MID1: variants seen among roughly 807,000 people sequenced by gnomAD.
The protein encoded by MID1 is E3 ubiquitin-protein ligase Midline-1.
A neutral mutation model predicts 40.4 loss-of-function variants in MID1; 7 were observed. That is an observed-to-expected ratio of 0.17 (90% CI 0.10 to 0.33). The LOEUF is 0.33. Among genes scored for constraint, MID1 ranks in the 10% least tolerant of loss-of-function variants. MID1 has a pLI of 1.00. For missense variants in MID1, 367 were observed against 558.5 expected (o/e 0.66, Z 3.46); for synonymous variants, 229 against 221.2 (o/e 1.04, Z -0.31).
At chrX:10,712,478 T>C (rs2043275593) in intron 1 of MID1, among the ~76,000 whole-genome samples, 1 of 110,846 alleles carries the variant, frequency 9.0e-6, no homozygotes, top group Non-Finnish European at 1.9e-5. Context: ...ATATGGCCCC[T>C]CCTAAGTGCT....
chrX:10,759,862 C>T (rs1430524020), intron 1 of MID1, among the ~76,000 whole-genome samples: 1 of 111,734 alleles, frequency 8.9e-6, no homozygotes, highest in Non-Finnish European at 1.9e-5. Flanking sequence ...ATTTTCTAAG[C>T]GAGTGAATTC....
At chrX:10,555,836 C>T (rs955628385) in intron 2 of MID1, among the ~76,000 whole-genome samples, 4 of 110,605 alleles carry the variant, frequency 3.6e-5, no homozygotes, top group South Asian at 7.7e-4. Flanking sequence ...AGGAGGCAGA[C>T]GATGATACCG....
chrX:10,569,733 A>T (rs1032425822), intron 1 of MID1, among the ~76,000 whole-genome samples: 2 of 111,335 alleles, frequency 1.8e-5, no homozygotes, highest in Admixed American at 1.9e-4. Context: ...CATCCCAGAG[A>T]GGTGTGATGA....
At chrX:10,665,829 A>T (rs904182852) in intron 1 of MID1, among the ~76,000 whole-genome samples, 2 of 110,996 alleles carry the variant, frequency 1.8e-5, no homozygotes, top group Admixed American at 9.7e-5. Context: ...CGCCTGGCCA[A>T]GTAGCCATCT....
At chrX:10,772,583 GA>G (rs907447395) in intron 1 of MID1, among the ~76,000 whole-genome samples, 2 of 105,254 alleles carry the variant, frequency 1.9e-5, no homozygotes, top group Non-Finnish European at 3.9e-5. Flanking sequence ...TTTAAAAAAT[GA>G]AAAAAAATTA....
At chrX:10,698,443 T>C (rs1360969904) in intron 1 of MID1, among the ~76,000 whole-genome samples, 2 of 112,145 alleles carry the variant, frequency 1.8e-5, no homozygotes, top group Non-Finnish European at 3.8e-5. Context: ...TTATGTCTTA[T>C]GCACATGGTT....
chrX:10,609,804 G>T (rs1420361863), intron 1 of MID1, among the ~76,000 whole-genome samples: 2 of 99,944 alleles, frequency 2.0e-5, no homozygotes, highest in African/African-American at 3.8e-5. Flanking sequence ...TGCAAGCTCC[G>T]CCTCGCGGGT....
intron 1 of MID1, among the ~76,000 whole-genome samples, chrX:10,682,955 A>G (rs780915127): frequency 1.6e-4 from 18 of 111,448 alleles, no homozygotes; most frequent in Non-Finnish European, 2.3e-4. Flanking sequence ...TTAAACACAC[A>G]GTCCTGAAAT....
chrX:10,796,641 G>A (rs1379863230), intron 1 of MID1, among the ~76,000 whole-genome samples: 6 of 109,673 alleles, frequency 5.5e-5, no homozygotes, highest in Non-Finnish European at 1.1e-4. Context: ...CTTGTTCAGG[G>A]TGATTGGCCA....
intron 1 of MID1, among the ~76,000 whole-genome samples, chrX:10,629,257 G>T (rs754014527): frequency 3.6e-5 from 4 of 110,184 alleles, no homozygotes; most frequent in African/African-American, 1.3e-4. Flanking sequence ...TTGTGCAGTG[G>T]CGTGATCTCA....
At position 10,567,386 on chromosome X, in the gene MID1, G is replaced by A. The variant is rs368021427; in HGVS notation, c.162C>T (p.Phe54=). ...TGACATGCCGGCAGGTGGGGCACTG[G>A]AAGGCGGTGATGGACTCCACAGACT... ...TNESVESITA[F]QCPTCRHVIT... The change falls in exon 2 of 10, where the codon TTC becomes TTT. Residue 54 remains phenylalanine (F), a synonymous_variant. Transcript: ENST00000317552. The A allele has an allele frequency of 9.2e-6, 11 of 1,201,791 alleles. No homozygotes were observed. The African/African-American group carries it at 1.8e-4, about 19-fold the overall frequency.
chrX:10,672,384 C>T (rs1373907703), intron 1 of MID1, among the ~76,000 whole-genome samples: 1 of 111,627 alleles, frequency 9.0e-6, no homozygotes, highest in Admixed American at 9.5e-5. Context: ...CCTTCGACAT[C>T]CTTCAATATG....
At chrX:10,604,691 C>G (rs1602462116) in intron 1 of MID1, among the ~76,000 whole-genome samples, 2 of 112,058 alleles carry the variant, frequency 1.8e-5, no homozygotes, top group African/African-American at 6.5e-5. Flanking sequence ...AGATTTAGTG[C>G]CAGCTAGAGT....
intron 1 of MID1, among the ~76,000 whole-genome samples, chrX:10,738,929 T>G (rs2043504179): frequency 1.0e-5 from 1 of 97,761 alleles, no homozygotes; most frequent in African/African-American, 3.9e-5. Flanking sequence ...CCTCACAGCA[T>G]AGCAATTTTC....
intron 2 of MID1, among the ~76,000 whole-genome samples, chrX:10,524,959 A>G (rs1045337972): frequency 1.8e-5 from 2 of 112,272 alleles, no homozygotes; most frequent in African/African-American, 6.5e-5. Context: ...ACTGTGTTTT[A>G]GCATATAGAC....
intron 1 of MID1, among the ~76,000 whole-genome samples, chrX:10,616,002 A>G (rs1237245007): frequency 8.9e-6 from 1 of 112,114 alleles, no homozygotes; most frequent in African/African-American, 3.2e-5. Context: ...TTTGGTCACA[A>G]GATTAAAGAA....
rs1336188556 is a variant in MID1 at position 10,805,527 on chromosome X, A to T, written c.-187+28027T>A. Among the ~76,000 whole-genome samples the T allele has an allele frequency of 2.9e-5, 3 of 103,724 alleles. No individual in the cohort carries two copies. In the Admixed American group the frequency reaches 3.2e-4, roughly 11 times the overall value. The allele number at this position is 103,724 out of a possible 115,157, so 90.1% of individuals were successfully genotyped here. A position where few individuals can be genotyped will look rare whatever the true frequency, so the allele number is the denominator to read the frequency against. On this transcript the variant is annotated intron_variant, in intron 1 of 10. Transcript: ENST00000380785. ...GCTATTGGGAATAGTGCCGCAATAAACATATGTGTGCATGTGTCTTTATAG... is the reference window on the plus strand; with the variant it reads ...GCTATTGGGAATAGTGCCGCAATAATCATATGTGTGCATGTGTCTTTATAG...
intron 4 of MID1, among the ~76,000 whole-genome samples, chrX:10,493,807 T>A (rs1931084929): frequency 8.9e-6 from 1 of 112,290 alleles, no homozygotes; most frequent in Non-Finnish European, 1.9e-5. Context: ...AATATAAATG[T>A]TTGTCAATTT....
At chrX:10,831,405 C>T (rs2044251624) in intron 1 of MID1, among the ~76,000 whole-genome samples, 1 of 111,489 alleles carries the variant, frequency 9.0e-6, no homozygotes, top group Admixed American at 9.5e-5. Context: ...TATTTTCCAA[C>T]CTCTTTTAAC....
Sources: gnomAD v4.1 joint callset for allele counts (sites outside exome capture counted in the v4.1 genomes callset) on GRCh38, gnomAD v4.1.1 for gene constraint, MANE v1.5 for transcripts, NCBI Gene and HGNC (gene_info 2026-07-23, HGNC 2026-07-21) for gene names.